The following DLGAP2 variants were observed in gnomAD, a reference collection of about 807,000 sequenced individuals.
DLGAP2 encodes disks large-associated protein 2.
A neutral mutation model predicts 100.3 loss-of-function variants in DLGAP2; 26 were observed. That is an observed-to-expected ratio of 0.26 (90% CI 0.19 to 0.36). DLGAP2 has a LOEUF of 0.36. Among genes scored for constraint, DLGAP2 ranks in the 10% least tolerant of loss-of-function variants. The pLI, the probability that DLGAP2 is intolerant of heterozygous loss-of-function variation, is 1.00. For synonymous variants in DLGAP2, 886 were observed against 630.1 expected, an observed-to-expected ratio of 1.41 and a Z score of -6.08; for missense variants, 1,858 against 1,453.2, an observed-to-expected ratio of 1.28 and a Z score of -4.53.
At chr8:1,348,685 G>A (rs1261902761) in intron 3 of DLGAP2, among the ~76,000 whole-genome samples, 1 of 151,966 alleles carries the variant, frequency 6.6e-6, no homozygotes, top group Non-Finnish European at 1.5e-5. Flanking sequence ...TGAGTGCCCA[G>A]CAGAGCTGCA....
At chr8:1,166,287 C>G (rs988867989) in intron 2 of DLGAP2, among the ~76,000 whole-genome samples, 13 of 152,334 alleles carry the variant, frequency 8.5e-5, no homozygotes, top group African/African-American at 3.1e-4. Flanking sequence ...GCAAGATGCA[C>G]CACCCCGTGC....
chr8:1,627,641 T>G (rs189439760), intron 7 of DLGAP2, among the ~76,000 whole-genome samples: 1 of 152,392 alleles, frequency 6.6e-6, no homozygotes, highest in African/African-American at 2.4e-5. Context: ...CTTGAGTTTG[T>G]ATACCTAACA....
rs1237182156 is a variant in DLGAP2 at position 1,430,024 on chromosome 8, A to ATATATATATATATATATATATATC, written c.107-71338_107-71337insTATATATATATATATATATCTATA. On this transcript the variant is annotated intron_variant, in intron 3 of 14. Coordinates refer to ENST00000637795, the MANE Select transcript of DLGAP2 (RefSeq NM_001346810.2). The stretch of plus-strand genomic sequence containing the variant: ...TATATATACATATATATATATATAT[A>ATATATATATATATATATATATATC]TATACACACACACACATATGAACTT... 2.4e-4 allele frequency among the ~76,000 whole-genome samples: 23 copies of ATATATATATATATATATATATATC among 96,998 alleles called. 1 individual carries two copies. The highest frequency in any genetic ancestry group is 4.0e-4 in the Non-Finnish European group (20 of 50,596). 63.6% of individuals were successfully genotyped at this position (96,998 alleles called of 152,430 possible). A position where few individuals can be genotyped will look rare whatever the true frequency, so the allele number is the denominator to read the frequency against.
intron 1 of DLGAP2, among the ~76,000 whole-genome samples, chr8:847,791 G>A (rs879363083): frequency 6.6e-6 from 1 of 152,186 alleles, no homozygotes; most frequent in Admixed American, 6.5e-5. Flanking sequence ...ACACAGGCTT[G>A]AGTCACTGCG....
chr8:1,360,583 G>A (rs530209708), intron 3 of DLGAP2, among the ~76,000 whole-genome samples: 3 of 152,228 alleles, frequency 2.0e-5, no homozygotes, highest in East Asian at 1.9e-4. Context: ...CAGGTACCCC[G>A]AAAAGCACAC....
At chr8:1,343,793 C>T (rs1034178891) in intron 3 of DLGAP2, among the ~76,000 whole-genome samples, 3 of 152,244 alleles carry the variant, frequency 2.0e-5, no homozygotes, top group South Asian at 4.1e-4. Flanking sequence ...GGGCTTCACG[C>T]CTGCTGTGGC....
Position 1,202,559 on chromosome 8 carries a change from G to T in DLGAP2, c.74-56292G>T, listed in dbSNP as rs545802772. 6.6e-5 allele frequency among the ~76,000 whole-genome samples: 10 copies of T among 152,292 alleles called. No homozygotes were observed. The East Asian group carries it at 1.9e-3, about 29-fold the overall frequency. On this transcript the variant is annotated intron_variant, in intron 2 of 14. Coordinates refer to ENST00000637795, the MANE Select transcript of DLGAP2 (RefSeq NM_001346810.2). ...TCCAAGTCCATTTTCTAATGCAGAG[G>T]AATTCCCCAGGAGATGGGAGGTGTG...
At chr8:1,168,135 G>C (rs369456394) in intron 2 of DLGAP2, among the ~76,000 whole-genome samples, 1 of 146,458 alleles carries the variant, frequency 6.8e-6, no homozygotes, top group Non-Finnish European at 1.5e-5. Flanking sequence ...TGCGGTGTTT[G>C]GTTTTTTGTT....
rs868699685 is a variant in DLGAP2 at position 1,236,960 on chromosome 8, C to T, written c.74-21891C>T. 1.2e-3 allele frequency among the ~76,000 whole-genome samples: 167 copies of T among 134,880 alleles called. 1 individual carries two copies. Among genetic ancestry groups the T allele is most frequent in the African/African-American group, 3.4e-3 (127 of 37,456 alleles). The allele number at this position is 134,880 out of a possible 152,430, so 88.5% of individuals were successfully genotyped here. A position where few individuals can be genotyped will look rare whatever the true frequency, so the allele number is the denominator to read the frequency against. On this transcript the variant is annotated intron_variant, in intron 2 of 14. Transcript: ENST00000637795. Reference sequence around the variant, plus strand: ...CTCTCACATGGCGCCGTGTCTAGTTCTCTCACATGGTGCCGTGTCTAGTTC... The same window carrying T: ...CTCTCACATGGCGCCGTGTCTAGTTTTCTCACATGGTGCCGTGTCTAGTTC...
chr8:1,018,088 T>C (rs1487733212), intron 2 of DLGAP2, among the ~76,000 whole-genome samples: 1 of 151,900 alleles, frequency 6.6e-6, no homozygotes, highest in Admixed American at 6.6e-5. Flanking sequence ...GTCAGCTGCA[T>C]TGACCAAGAC....
chr8:1,191,463 C>T (rs113222989), intron 2 of DLGAP2, among the ~76,000 whole-genome samples: 6,765 of 152,292 alleles, frequency 0.044, 161 homozygotes, highest in African/African-American at 0.049. Flanking sequence ...AGCCACCGCG[C>T]CCAGCCGATA....
Position 1,267,773 on chromosome 8 carries a change from G to A in DLGAP2, c.106+8890G>A, listed in dbSNP as rs117941320. 1.5e-3 allele frequency among the ~76,000 whole-genome samples: 228 copies of A among 152,094 alleles called. 2 individuals are homozygous for A. Among genetic ancestry groups the A allele is most frequent in the Non-Finnish European group, 2.8e-3 (188 of 68,020 alleles). On this transcript the variant is annotated intron_variant, in intron 3 of 14. Coordinates refer to ENST00000637795, the MANE Select transcript of DLGAP2 (RefSeq NM_001346810.2). ...ATCCCTTCCCTTTTTCTCCTCTGCA[G>A]ATGTCTGTTGGGGCAGAATGTTTGT...
chr8:1,447,621 C>A (rs1214572360), intron 3 of DLGAP2, among the ~76,000 whole-genome samples: 2 of 152,142 alleles, frequency 1.3e-5, no homozygotes, highest in Non-Finnish European at 2.9e-5. Context: ...TGTGAGGATT[C>A]CATCTTTTTC....
chr8:907,846 G>C (rs1563090124), intron 1 of DLGAP2, 66 bp from the exon 2 acceptor site: 1 of 398,200 alleles, frequency 2.5e-6, no homozygotes. Flanking sequence ...ACTCGCAACA[G>C]TTAATGAGAT....
At chr8:1,408,540 G>A (rs970083715) in intron 3 of DLGAP2, among the ~76,000 whole-genome samples, 15 of 152,226 alleles carry the variant, frequency 9.9e-5, no homozygotes, top group African/African-American at 2.9e-4. Context: ...TCTCCACTGG[G>A]ACTCCAGCAT....
intron 3 of DLGAP2, among the ~76,000 whole-genome samples, chr8:1,275,095 C>T (rs918150980): frequency 2.6e-5 from 4 of 152,138 alleles, no homozygotes; most frequent in African/African-American, 9.7e-5. Flanking sequence ...TCCCTGAGGA[C>T]CTGCAATTTA....
chr8:897,198 G>A lies in DLGAP2; in HGVS notation c.19-10714G>A, dbSNP rs118178312. ...TCGTGTAAAACATGATCGTGGCCTC[G>A]CACTCAATCCCTTATTTCACAGGTG... On this transcript the variant is annotated intron_variant, in intron 1 of 14. Transcript: ENST00000637795. 1.4e-4 allele frequency among the ~76,000 whole-genome samples: 22 copies of A among 152,214 alleles called. No homozygotes were observed. In the East Asian group the frequency reaches 3.5e-3, roughly 24 times the overall value.
chr8:859,029 T>C (rs781734158), intron 1 of DLGAP2, among the ~76,000 whole-genome samples: 2 of 152,182 alleles, frequency 1.3e-5, no homozygotes, highest in Non-Finnish European at 2.9e-5. Flanking sequence ...CTATAAAAAA[T>C]AGTATTTTAA....
chr8:803,126 C>G (rs1477820120), intron 1 of DLGAP2, among the ~76,000 whole-genome samples: 5 of 152,220 alleles, frequency 3.3e-5, no homozygotes, highest in Middle Eastern at 3.4e-3. Flanking sequence ...CGGCTCCTGG[C>G]TTTATGGCTG....
Sources: gnomAD v4.1 joint callset for allele counts (sites outside exome capture counted in the v4.1 genomes callset) on GRCh38, gnomAD v4.1.1 for gene constraint, MANE v1.5 for transcripts, NCBI Gene and HGNC (gene_info 2026-07-23, HGNC 2026-07-21) for gene names.